Variants in CNTNAP4 observed in about 807,000 individuals in gnomAD.
CNTNAP4 encodes the protein contactin-associated protein-like 4.
CNTNAP4 carries 98 observed loss-of-function variants against 148.4 expected under a neutral mutation model. The ratio of observed to expected loss-of-function variants is 0.66; its 90% CI spans 0.56 to 0.78. CNTNAP4 has a LOEUF of 0.78. Ranked by LOEUF, CNTNAP4 falls within the 30% of genes least tolerant of loss-of-function variation. The pLI, the probability that CNTNAP4 is intolerant of heterozygous loss-of-function variation, is 0.00. For synonymous variants in CNTNAP4, 730 were observed against 565.1 expected (o/e 1.29, Z -4.14); for missense variants, 1,935 against 1,565.6 (o/e 1.24, Z -3.98).
chr16:76,345,576 G>T (rs1279462759), intron 2 of CNTNAP4, among the ~76,000 whole-genome samples: 1 of 152,160 alleles, frequency 6.6e-6, no homozygotes, highest in Non-Finnish European at 1.5e-5. Flanking sequence ...ATGCGGGGGG[G>T]ATTTGGCCAA....
At chr16:76,314,424 C>T (rs1474199831) in intron 1 of CNTNAP4, among the ~76,000 whole-genome samples, 1 of 152,034 alleles carries the variant, frequency 6.6e-6, no homozygotes, top group East Asian at 1.9e-4. Flanking sequence ...ATGCGGTCAC[C>T]CTTGGTACAA....
At chr16:76,479,004 C>T (rs952506438) in intron 11 of CNTNAP4, among the ~76,000 whole-genome samples, 4 of 152,054 alleles carry the variant, frequency 2.6e-5, no homozygotes, top group African/African-American at 9.7e-5. Context: ...GGAAGTTACA[C>T]TGTTGTGCTT....
At chr16:76,403,496 A>T (rs140014300) in intron 3 of CNTNAP4, among the ~76,000 whole-genome samples, 2,042 of 152,326 alleles carry the variant, frequency 0.013, 45 homozygotes, top group African/African-American at 0.046. Flanking sequence ...CCACAATGAG[A>T]TATCATCTCA....
At chr16:76,283,548 T>C (rs1958769772) in intron 1 of CNTNAP4, among the ~76,000 whole-genome samples, 1 of 151,992 alleles carries the variant, frequency 6.6e-6, no homozygotes, top group South Asian at 2.1e-4. Flanking sequence ...CTTGGCAAAC[T>C]AACAAGGGAA....
chr16:76,494,605 A>G (rs972643598), intron 13 of CNTNAP4, among the ~76,000 whole-genome samples: 1 of 152,182 alleles, frequency 6.6e-6, no homozygotes, highest in Non-Finnish European at 1.5e-5. Flanking sequence ...AAGAAATTGC[A>G]TATGTGAGCT....
intron 1 of CNTNAP4, among the ~76,000 whole-genome samples, chr16:76,309,528 T>C (rs772577958): frequency 6.6e-5 from 10 of 152,206 alleles, no homozygotes; most frequent in African/African-American, 2.4e-4. Context: ...TGGCTTTCTC[T>C]ATACTTAGTA....
chr16:76,520,536 T>C (rs896113613), intron 15 of CNTNAP4, among the ~76,000 whole-genome samples: 1 of 152,204 alleles, frequency 6.6e-6, no homozygotes, highest in Non-Finnish European at 1.5e-5. Context: ...AAGTAAGAGA[T>C]AATTTTGAAT....
At chr16:76,484,745 C>T (rs1212239434) in intron 12 of CNTNAP4, among the ~76,000 whole-genome samples, 1 of 152,156 alleles carries the variant, frequency 6.6e-6, no homozygotes, top group African/African-American at 2.4e-5. Flanking sequence ...AGTTTTTCCA[C>T]TAGGAAGAGT....
At chr16:76,349,573 A>T (rs1965203113) in intron 2 of CNTNAP4, among the ~76,000 whole-genome samples, 1 of 152,174 alleles carries the variant, frequency 6.6e-6, no homozygotes, top group South Asian at 2.1e-4. Context: ...TTACATTATT[A>T]TAATTTTATG....
At chr16:76,310,494 T>A (rs7185182) in intron 1 of CNTNAP4, among the ~76,000 whole-genome samples, 40,952 of 152,064 alleles carry the variant, frequency 0.27, 6,175 homozygotes, top group Non-Finnish European at 0.35. Context: ...CTTAATCCTG[T>A]ATCTGTCAAT....
At chr16:76,405,845 CTT>C (rs2078583035) in intron 3 of CNTNAP4, among the ~76,000 whole-genome samples, 1 of 151,806 alleles carries the variant, frequency 6.6e-6, no homozygotes, top group Admixed American at 6.6e-5. Context: ...AAGAATATGA[CTT>C]ATAGAAACTG....
chr16:76,530,581 C>G (rs2083934852), intron 17 of CNTNAP4, among the ~76,000 whole-genome samples: 1 of 152,154 alleles, frequency 6.6e-6, no homozygotes, highest in Non-Finnish European at 1.5e-5. Context: ...TGTGCGAAGT[C>G]TAAATAGACT....
chr16:76,424,512 GAGA>G (rs1277073032), intron 3 of CNTNAP4, among the ~76,000 whole-genome samples: 3 of 152,142 alleles, frequency 2.0e-5, no homozygotes, highest in Admixed American at 6.6e-5. Context: ...CTAACACCTT[GAGA>G]GGCCGAGGCG....
intron 3 of CNTNAP4, among the ~76,000 whole-genome samples, chr16:76,391,487 TG>T (rs1236145944): frequency 1.3e-5 from 2 of 152,214 alleles, no homozygotes; most frequent in African/African-American, 2.4e-5. Context: ...CAAAACTTTG[TG>T]CTTGGCCTAG....
chr16:76,313,797 C>G, intron 1 of CNTNAP4, among the ~76,000 whole-genome samples: 1 of 152,156 alleles, frequency 6.6e-6, no homozygotes, highest in South Asian at 2.1e-4. Flanking sequence ...CTAGATAATT[C>G]TTAGATTTAT....
intron 3 of CNTNAP4, among the ~76,000 whole-genome samples, chr16:76,414,820 C>A (rs954359862): frequency 6.6e-6 from 1 of 151,280 alleles, no homozygotes; most frequent in Non-Finnish European, 1.5e-5. Context: ...CATTATCACT[C>A]TAATGTGTAT....
At chr16:76,403,259 A>T (rs528216602) in intron 3 of CNTNAP4, among the ~76,000 whole-genome samples, 3 of 151,820 alleles carry the variant, frequency 2.0e-5, no homozygotes, top group Non-Finnish European at 4.4e-5. Context: ...CACCTGGCAA[A>T]TTTTTTTGTA....
Position 76,448,031 on chromosome 16 carries a change from T to C in CNTNAP4, c.558T>C (p.Leu186=), listed in dbSNP as rs2080313983. 6.2e-7 allele frequency: 1 copy of C among 1,613,240 alleles called. No homozygotes were observed. ...GCAYRSEVVD[L]DGKSSLLYRF... is the part of the protein sequence containing the mutation. ...TTCTAGGATCAGAAGTGGTTGATCT[T>C]GATGGAAAAAGTTCCCTTCTCTACA... Residue 186 remains leucine (L), a synonymous_variant, in exon 5 of 24, where the codon CTT becomes CTC. Coordinates refer to ENST00000611870, the MANE Select transcript of CNTNAP4 (RefSeq NM_033401.5).
At chr16:76,289,364 C>G (rs35670143) in intron 1 of CNTNAP4, among the ~76,000 whole-genome samples, 34,796 of 151,986 alleles carry the variant, frequency 0.23, 4,886 homozygotes, top group Non-Finnish European at 0.31. Flanking sequence ...TTTCCATTTT[C>G]TCTTTAAAGA....
Sources: allele counts gnomAD v4.1 joint callset (sites outside exome capture counted in the v4.1 genomes callset), GRCh38; gene constraint gnomAD v4.1.1; transcripts MANE v1.5; gene names NCBI Gene and HGNC (gene_info 2026-07-23, HGNC 2026-07-21).